Variants in CHN1 observed in about 807,000 individuals in gnomAD.
CHN1 encodes the protein N-chimaerin.
CHN1 carries 37 observed loss-of-function variants against 59.5 expected under a neutral mutation model. The ratio of observed to expected loss-of-function variants is 0.62; its 90% CI spans 0.48 to 0.82. CHN1 has a LOEUF of 0.82. Among genes scored for constraint, CHN1 ranks in the 40% least tolerant of loss-of-function variants. The pLI is 0.00. For missense variants in CHN1, 469 were observed against 571.0 expected (o/e 0.82, Z 1.82); for synonymous variants, 206 against 200.4 (o/e 1.03, Z -0.24).
rs554377842 is a variant in CHN1, at chr2:174,820,631, G to A, written c.712+3803C>T. ...ACCTTGCACTGCGTGGTTTTGAATA[G>A]CCCGTGTAATGTAATGATTAGCATT... On this transcript the variant is annotated intron_variant, in intron 8 of 12. Transcript: ENST00000409900. 2.0e-5 allele frequency among the ~76,000 whole-genome samples: 3 copies of A among 152,308 alleles called. No individual in the cohort carries two copies. In the South Asian group the frequency reaches 6.2e-4, roughly 32 times the overall value.
Position 174,958,138 on chromosome 2 carries a change from G to A in CHN1, c.20-5936C>T, listed in dbSNP as rs541419088. Among the ~76,000 whole-genome samples, 5 of 149,986 alleles carry A rather than the reference G, an allele frequency of 3.3e-5. No homozygotes were observed. The South Asian group carries it at 6.5e-4, about 19-fold the overall frequency. The stretch of plus-strand genomic sequence containing the variant: ...CAAGGAAGGAAGGAAAGGGAGGGAA[G>A]GGAGGAAGTAAGGAAGGAAGGACAG... On this transcript the variant is annotated intron_variant, in intron 1 of 12. Coordinates refer to ENST00000409900, the MANE Select transcript of CHN1 (RefSeq NM_001822.7).
At chr2:174,932,199 TATA>T (rs1404556471) in intron 3 of CHN1, among the ~76,000 whole-genome samples, 3 of 152,204 alleles carry the variant, frequency 2.0e-5, no homozygotes, top group African/African-American at 2.4e-5. Flanking sequence ...AACCTTAATA[TATA>T]ATAACTAGAC....
At chr2:174,820,967 C>G (rs561214518) in intron 8 of CHN1, among the ~76,000 whole-genome samples, 4 of 152,290 alleles carry the variant, frequency 2.6e-5, no homozygotes, top group African/African-American at 9.6e-5. Context: ...CAGAACAAAG[C>G]AAGCTGTCTC....
chr2:174,888,607 C>T (rs2105344547), intron 5 of CHN1, among the ~76,000 whole-genome samples: 1 of 152,266 alleles, frequency 6.6e-6, no homozygotes, highest in South Asian at 2.1e-4. Context: ...AGTTGCAGTA[C>T]TCCAGGTAAA....
intron 8 of CHN1, among the ~76,000 whole-genome samples, chr2:174,815,600 T>G (rs1343021696): frequency 6.6e-6 from 1 of 151,900 alleles, no homozygotes; most frequent in African/African-American, 2.4e-5. Flanking sequence ...TTTTTTTTTT[T>G]TTTTCATTTG....
intron 6 of CHN1, among the ~76,000 whole-genome samples, chr2:174,872,671 G>C (rs1687446038): frequency 6.6e-6 from 1 of 152,100 alleles, no homozygotes; most frequent in Non-Finnish European, 1.5e-5. Context: ...AAGCAATTAG[G>C]AGCCCTTTGC....
At chr2:174,841,136 C>T (rs1291263056) in intron 7 of CHN1, among the ~76,000 whole-genome samples, 1 of 152,184 alleles carries the variant, frequency 6.6e-6, no homozygotes, top group Non-Finnish European at 1.5e-5. Context: ...TATGTGCAAA[C>T]CAACAAGAAC....
intron 7 of CHN1, among the ~76,000 whole-genome samples, chr2:174,831,441 AGCTGAAATAGTG>A (rs1221349377): frequency 6.6e-6 from 1 of 152,184 alleles, no homozygotes; most frequent in Non-Finnish European, 1.5e-5. Context: ...TTCTGTGCTG[AGCTGAAATAGTG>A]GCCCCTTACA....
chr2:175,002,303 C>A (rs1691917923), intron 1 of CHN1, among the ~76,000 whole-genome samples: 2 of 152,160 alleles, frequency 1.3e-5, no homozygotes, highest in African/African-American at 4.8e-5. Context: ...ACTGTAAAAT[C>A]TTTCAAGATT....
chr2:174,937,413 T>C (rs1028479934), intron 3 of CHN1, among the ~76,000 whole-genome samples: 1 of 152,230 alleles, frequency 6.6e-6, no homozygotes, highest in African/African-American at 2.4e-5. Flanking sequence ...TTTCCTATCA[T>C]TGTAAGTAAG....
intron 4 of CHN1, among the ~76,000 whole-genome samples, chr2:174,915,494 A>G (rs1688819646): frequency 6.8e-6 from 1 of 147,814 alleles, no homozygotes; most frequent in Non-Finnish European, 1.5e-5. Context: ...CCATTTAACC[A>G]TATGGCTTGC....
chr2:174,976,327 T>A (rs915350855), intron 1 of CHN1, among the ~76,000 whole-genome samples: 4 of 151,512 alleles, frequency 2.6e-5, no homozygotes, highest in Admixed American at 6.6e-5. Context: ...AACCTCCGCC[T>A]CCCGGGTTCA....
intron 5 of CHN1, among the ~76,000 whole-genome samples, chr2:174,880,495 GA>G (rs1185304662): frequency 2.6e-5 from 4 of 152,146 alleles, no homozygotes; most frequent in African/African-American, 9.7e-5. Context: ...AAATCTTTGA[GA>G]AAGGTGGGAA....
intron 6 of CHN1, among the ~76,000 whole-genome samples, chr2:174,857,206 C>T (rs1350026683): frequency 6.6e-6 from 1 of 152,124 alleles, no homozygotes; most frequent in Non-Finnish European, 1.5e-5. Context: ...AGAGTTAGAA[C>T]AACCTTTACA....
chr2:174,964,209 A>G (rs972613624), intron 1 of CHN1, among the ~76,000 whole-genome samples: 3 of 152,186 alleles, frequency 2.0e-5, no homozygotes, highest in African/African-American at 7.2e-5. Flanking sequence ...AAGCCTGGAT[A>G]ATGTTTCAAG....
At chr2:174,887,204 C>G (rs1308133332) in intron 5 of CHN1, among the ~76,000 whole-genome samples, 1 of 151,958 alleles carries the variant, frequency 6.6e-6, no homozygotes, top group Non-Finnish European at 1.5e-5. Flanking sequence ...AGCAATAAAC[C>G]ATATTTGTAT....
rs911147918 is a variant in CHN1 at position 174,981,160 on chromosome 2, C to A, written c.19+23734G>T. Among the ~76,000 whole-genome samples the A allele has an allele frequency of 1.4e-4, 21 of 152,132 alleles. 1 individual carries two copies. The highest frequency in any genetic ancestry group is 1.3e-3 in the Admixed American group (20 of 15,278). ...GAAAGCTAACCTGGATCTTTCACTT[C>A]GAGTTGGATAAACGAATCCTAAAAA... On this transcript the variant is annotated intron_variant, in intron 1 of 12. Transcript: ENST00000409900.
intron 3 of CHN1, among the ~76,000 whole-genome samples, chr2:174,935,417 T>C (rs1001783360): frequency 1.3e-5 from 2 of 152,194 alleles, no homozygotes; most frequent in Non-Finnish European, 2.9e-5. Context: ...ATGCACACAT[T>C]TTGTAAGCCA....
At chr2:174,959,299 T>C (rs1338218033) in intron 1 of CHN1, among the ~76,000 whole-genome samples, 1 of 152,198 alleles carries the variant, frequency 6.6e-6, no homozygotes, top group Admixed American at 6.5e-5. Flanking sequence ...TTGGCCTTTC[T>C]TATGTTTATG....
Sources: allele counts gnomAD v4.1 joint callset (sites outside exome capture counted in the v4.1 genomes callset), GRCh38; gene constraint gnomAD v4.1.1; transcripts MANE v1.5; gene names NCBI Gene and HGNC (gene_info 2026-07-23, HGNC 2026-07-21).